PRKCH: variants seen among roughly 807,000 people sequenced by gnomAD.
PRKCH encodes protein kinase C eta, also known as protein kinase C eta type.
Under a neutral mutation model 82.5 loss-of-function variants are expected in PRKCH, and 28 were observed. The observed-to-expected ratio is 0.34, with a 90% CI of 0.25 to 0.47. The LOEUF (loss-of-function observed/expected upper bound fraction) is 0.47. Ranked by LOEUF, PRKCH falls within the 20% of genes least tolerant of loss-of-function variation. The pLI is 1.00. For missense variants in PRKCH, 705 were observed against 881.8 expected (o/e 0.80, Z 2.54); for synonymous variants, 322 against 327.4 (o/e 0.98, Z 0.18).
chr14:61,405,055 G>A (rs145306847), intron 2 of PRKCH, among the ~76,000 whole-genome samples: 2 of 152,314 alleles, frequency 1.3e-5, no homozygotes, highest in East Asian at 3.9e-4. Context: ...GGCTTGAAGA[G>A]CACAGCATCA....
intron 9 of PRKCH, among the ~76,000 whole-genome samples, chr14:61,472,756 T>A (rs931144443): frequency 2.6e-5 from 4 of 152,178 alleles, no homozygotes; most frequent in African/African-American, 9.7e-5. Flanking sequence ...TTAAATGCTA[T>A]CTTAAGGCTG....
At chr14:61,423,467 C>T (rs1387147440) in intron 2 of PRKCH, among the ~76,000 whole-genome samples, 2 of 152,192 alleles carry the variant, frequency 1.3e-5, no homozygotes, top group Non-Finnish European at 2.9e-5. Flanking sequence ...TAGAATGATG[C>T]AGTGACTGAG....
intron 1 of PRKCH, among the ~76,000 whole-genome samples, chr14:61,296,410 T>C (rs1223443156): frequency 1.3e-5 from 2 of 152,228 alleles, no homozygotes; most frequent in African/African-American, 4.8e-5. Context: ...TCCACACTTA[T>C]GCCCCCAGAG....
At position 61,280,274 on chromosome 14, in the gene PRKCH, G is replaced by C; in HGVS notation, c.-19+92606G>C. 1 of 1,614,028 alleles carries C rather than the reference G, an allele frequency of 6.2e-7. No homozygotes were observed. Among genetic ancestry groups the C allele is most frequent in the Non-Finnish European group, 8.5e-7 (1 of 1,180,002 alleles). ...TTGTGGCCGCCGAACGCGCGCACCG[G>C]GTAGTTGTAGGTGATGTTGACGCGG... On this transcript the variant is annotated intron_variant, in intron 1 of 3. Transcript: ENST00000555185. This position sits in a 1 kb window ranked among gnomAD's most constrained non-coding sequence, Gnocchi z 5.0.
chr14:61,530,171 C>A (rs552737956), intron 11 of PRKCH, among the ~76,000 whole-genome samples: 234 of 152,276 alleles, frequency 1.5e-3, no homozygotes, highest in Non-Finnish European at 2.4e-3. Context: ...ACGAGCCCAT[C>A]ACAGTGGCCC....
At chr14:61,413,498 A>G (rs1477964721) in intron 2 of PRKCH, among the ~76,000 whole-genome samples, 2 of 144,540 alleles carry the variant, frequency 1.4e-5, no homozygotes, top group Non-Finnish European at 1.5e-5. Flanking sequence ...GGTGTGAGTG[A>G]CTTCCCTCAA....
chr14:61,204,334 G>A (rs1413719010), intron 1 of PRKCH, among the ~76,000 whole-genome samples: 1 of 152,152 alleles, frequency 6.6e-6, no homozygotes, highest in Non-Finnish European at 1.5e-5. Flanking sequence ...TGCATTTTAT[G>A]TATGAGGAAA....
chr14:61,489,807 G>A (rs1886382320), intron 10 of PRKCH, among the ~76,000 whole-genome samples: 1 of 152,200 alleles, frequency 6.6e-6, no homozygotes, highest in Non-Finnish European at 1.5e-5. Flanking sequence ...GGGAAACAAA[G>A]GGGCATGCAT....
At chr14:61,246,139 C>T (rs890478188) in intron 1 of PRKCH, among the ~76,000 whole-genome samples, 2 of 151,980 alleles carry the variant, frequency 1.3e-5, no homozygotes, top group South Asian at 4.1e-4. Flanking sequence ...GGCGCGGTGG[C>T]TCACACCTAT....
chr14:61,245,275 G>A lies in PRKCH; in HGVS notation c.-19+57607G>A, dbSNP rs151280629. Among the ~76,000 whole-genome samples the A allele has an allele frequency of 1.4e-3, 210 of 152,326 alleles. 2 individuals carry two copies. Among genetic ancestry groups the A allele is most frequent in the South Asian group, 5.8e-3 (28 of 4,832 alleles). On this transcript the variant is annotated intron_variant, in intron 1 of 3. Transcript: ENST00000555185. ...GGCAAAAGAAGAGCCCCAGCAGATA[G>A]GCAATCAGGTAGCCCTAAGATAGGT...
chr14:61,435,146 C>T (rs1343264570), intron 2 of PRKCH, among the ~76,000 whole-genome samples: 2 of 152,192 alleles, frequency 1.3e-5, no homozygotes, highest in Admixed American at 6.5e-5. Flanking sequence ...GGAATCGAGC[C>T]TCAGTTGCCC....
chr14:61,510,623 A>C (rs1887335899), intron 10 of PRKCH, among the ~76,000 whole-genome samples: 1 of 152,072 alleles, frequency 6.6e-6, no homozygotes, highest in African/African-American at 2.4e-5. Flanking sequence ...AAGCAGTTAG[A>C]GATGCGGCCT....
intron 1 of PRKCH, among the ~76,000 whole-genome samples, chr14:61,387,287 T>A (rs1435947744): frequency 6.6e-6 from 1 of 152,128 alleles, no homozygotes; most frequent in Admixed American, 6.5e-5. Flanking sequence ...CTGTGCAGAG[T>A]TCAGTCAGTG....
intron 1 of PRKCH, among the ~76,000 whole-genome samples, chr14:61,291,480 C>T (rs567756223): frequency 3.3e-5 from 5 of 152,220 alleles, no homozygotes; most frequent in Non-Finnish European, 5.9e-5. Flanking sequence ...CAGGTGTGTG[C>T]CACCACGCCC....
chr14:61,433,634 G>C (rs551389525), intron 2 of PRKCH, among the ~76,000 whole-genome samples: 2 of 152,120 alleles, frequency 1.3e-5, no homozygotes, highest in East Asian at 3.8e-4. Context: ...TCATATGATC[G>C]TGCTATCAGC....
At chr14:61,543,370 G>A (rs896332868) in intron 12 of PRKCH, 2 of 152,116 alleles carry the variant, frequency 1.3e-5, no homozygotes, top group Admixed American at 1.3e-4. Flanking sequence ...CTGTAATGAG[G>A]GCCACAGCAG....
intron 1 of PRKCH, chr14:61,281,244 C>T: frequency 8.1e-6 from 6 of 743,392 alleles, no homozygotes; most frequent in Non-Finnish European, 1.1e-5. Context: ...GGACTGCTCG[C>T]GGGTCGGGTT....
intron 1 of PRKCH, among the ~76,000 whole-genome samples, chr14:61,348,935 A>G (rs1191863280): frequency 6.6e-6 from 1 of 152,216 alleles, no homozygotes; most frequent in Non-Finnish European, 1.5e-5. Context: ...CTCTCTTAGT[A>G]TTTGTTGTAC....
intron 2 of PRKCH, 147 bp from the exon 3 acceptor site, chr14:61,442,964 A>G (rs1428461755): frequency 9.7e-6 from 7 of 724,490 alleles, no homozygotes; most frequent in African/African-American, 3.6e-5. Context: ...TTAGGAAGCC[A>G]TAATGATTTT....
Sources: gnomAD v4.1 joint callset for allele counts (sites outside exome capture counted in the v4.1 genomes callset) on GRCh38, gnomAD v4.1.1 for gene constraint, Gnocchi (gnomAD v3.1) non-coding constraint, MANE v1.5 for transcripts, NCBI Gene and HGNC (gene_info 2026-07-23, HGNC 2026-07-21) for gene names.